Variants in APLF observed in about 807,000 individuals in gnomAD.
The protein encoded by APLF is aprataxin and PNKP like factor.
APLF carries 61 observed loss-of-function variants against 55.6 expected under a neutral mutation model. The observed-to-expected ratio is 1.10, with a 90% CI of 0.89 to 1.36. The LOEUF (loss-of-function observed/expected upper bound fraction) is 1.36, where lower values mean the gene tolerates loss of function less well. APLF is among the 40% of genes most tolerant of loss of function. APLF has a pLI of 0.00. For missense variants in APLF, 611 were observed against 602.5 expected (o/e 1.01, Z -0.15); for synonymous variants, 207 against 214.8 (o/e 0.96, Z 0.32).
At chr2:68,482,014 T>C (rs1376120584) in intron 1 of APLF, among the ~76,000 whole-genome samples, 1 of 152,052 alleles carries the variant, frequency 6.6e-6, no homozygotes, top group African/African-American at 2.4e-5. Flanking sequence ...TTTTGGTAAA[T>C]TGGGTTATCT....
rs554699045 is a variant in APLF at position 68,475,177 on chromosome 2, A to C, written c.96+7350A>C. On this transcript the variant is annotated intron_variant, in intron 1 of 9. Coordinates refer to ENST00000303795, the MANE Select transcript of APLF (RefSeq NM_173545.3). Reference sequence around the variant, plus strand: ...CTTTAAACCCACTTTTGTCTTCTTAAGCTTTCCTTATGTCTTTACTTACTA... The same window carrying C: ...CTTTAAACCCACTTTTGTCTTCTTACGCTTTCCTTATGTCTTTACTTACTA... Among the ~76,000 whole-genome samples the C allele has an allele frequency of 1.2e-4, 19 of 152,318 alleles. 1 individual carries two copies. The East Asian group carries it at 3.5e-3, about 28-fold the overall frequency.
At chr2:68,577,278 G>T (rs2104090133) in intron 9 of APLF, among the ~76,000 whole-genome samples, 1 of 152,268 alleles carries the variant, frequency 6.6e-6, no homozygotes, top group East Asian at 1.9e-4. Context: ...TATTGCAGCT[G>T]TGAATTGGCT....
chr2:68,517,443 GTTA>G (rs1389739602), intron 5 of APLF, among the ~76,000 whole-genome samples: 2 of 133,194 alleles, frequency 1.5e-5, no homozygotes, highest in Admixed American at 8.0e-5. Flanking sequence ...ATCTATATAT[GTTA>G]TTACTATATA....
chr2:68,495,212 A>G (rs1676503276), intron 2 of APLF, among the ~76,000 whole-genome samples: 1 of 152,206 alleles, frequency 6.6e-6, no homozygotes, highest in Non-Finnish European at 1.5e-5. Flanking sequence ...GTCTTAACTC[A>G]TTCCAGCATT....
chr2:68,527,477 C>A (rs1214137735), intron 6 of APLF, among the ~76,000 whole-genome samples: 1 of 147,490 alleles, frequency 6.8e-6, no homozygotes, highest in Non-Finnish European at 1.5e-5. Context: ...AGAGGCGGTG[C>A]TCCTCCTCAA....
rs771535956 is a variant in APLF at position 68,545,294 on chromosome 2, A to G, written c.1268A>G (p.Tyr423Cys). The G allele has an allele frequency of 1.8e-5, 29 of 1,613,518 alleles. No individual in the cohort carries two copies. Among genetic ancestry groups the G allele is most frequent in the African/African-American group, 6.7e-5 (5 of 74,888 alleles). ...DETDDRPECP[Y>C]GPSCYRKNPQ... ...ACTGATGACCGGCCTGAATGTCCCT[A>G]TGGACCATCCTGTTATAGGTATAGA... Residue 423 changes from tyrosine to cysteine, a missense_variant, in exon 8 of 10, where the codon TAT (tyrosine) becomes TGT (cysteine). Physicochemically the swap from Tyr to Cys is radical, Grantham distance 194 (BLOSUM62 -2). Coordinates refer to ENST00000303795, the MANE Select transcript of APLF (RefSeq NM_173545.3).
At chr2:68,511,187 A>G (rs1166876307) in intron 3 of APLF, among the ~76,000 whole-genome samples, 1 of 151,806 alleles carries the variant, frequency 6.6e-6, no homozygotes, top group Non-Finnish European at 1.5e-5. Context: ...TTATTTTTCA[A>G]TAAAGCAGTT....
chr2:68,482,406 T>C (rs1017398494), intron 1 of APLF, among the ~76,000 whole-genome samples: 1 of 152,038 alleles, frequency 6.6e-6, no homozygotes, highest in Non-Finnish European at 1.5e-5. Context: ...GCTGTGGAAG[T>C]GTGTGGTGGT....
intron 6 of APLF, among the ~76,000 whole-genome samples, chr2:68,536,176 A>C (rs1186173767): frequency 6.6e-6 from 1 of 152,164 alleles, no homozygotes; most frequent in Non-Finnish European, 1.5e-5. Context: ...GTACTTGTGC[A>C]GCGTGGGAGC....
intron 8 of APLF, among the ~76,000 whole-genome samples, chr2:68,558,273 T>C (rs529127997): frequency 2.4e-4 from 36 of 152,200 alleles, no homozygotes; most frequent in Non-Finnish European, 4.3e-4. Context: ...ATTACACATA[T>C]ATAAAAATTT....
At chr2:68,482,883 T>C (rs562684746) in intron 1 of APLF, among the ~76,000 whole-genome samples, 75 of 152,098 alleles carry the variant, frequency 4.9e-4, no homozygotes, top group Non-Finnish European at 9.7e-4. Context: ...CTTGGGGAAG[T>C]GCGTACCAGG....
chr2:68,545,001 TTA>T lies in APLF; in HGVS notation c.1161-184_1161-183del, dbSNP rs1324108356. ...TTACTGTGAGAGTCCTGTACTGAGTTTATGTCATCAACTTTATGTCATCAATT... is the reference window on the plus strand; with the variant it reads ...TTACTGTGAGAGTCCTGTACTGAGTTTGTCATCAACTTTATGTCATCAATT... On this transcript the variant is annotated intron_variant, in intron 7 of 9. Transcript: ENST00000303795. Among the ~76,000 whole-genome samples the T allele has an allele frequency of 3.3e-5, 5 of 152,280 alleles. No homozygotes were observed. In the East Asian group the frequency reaches 9.6e-4, roughly 29 times the overall value.
At chr2:68,476,262 G>T (rs920141051) in intron 1 of APLF, among the ~76,000 whole-genome samples, 2 of 152,054 alleles carry the variant, frequency 1.3e-5, no homozygotes, top group Admixed American at 1.3e-4. Flanking sequence ...GAGACGGGCA[G>T]ATCACCTGAG....
intron 7 of APLF, among the ~76,000 whole-genome samples, chr2:68,544,211 TC>T (rs1216435454): frequency 4.6e-5 from 7 of 152,104 alleles, no homozygotes; most frequent in African/African-American, 1.7e-4. Flanking sequence ...ACTCCTGACT[TC>T]AAGTGATCTG....
rs574162134 is a variant in APLF at position 68,571,137 on chromosome 2, G to A, written c.1333+3750G>A. 1.1e-4 allele frequency among the ~76,000 whole-genome samples: 17 copies of A among 152,044 alleles called. No individual in the cohort carries two copies. The Middle Eastern group carries it at 0.01, about 91-fold the overall frequency. On this transcript the variant is annotated intron_variant, in intron 9 of 9. Transcript: ENST00000303795. ...TCATATCCTTCACCCCCTTTTTGAT[G>A]GGGTTGTTTTTTTTTCTTGTAAATT...
In APLF at chr2:68,545,943, G is replaced by A. The variant is rs1315905685; in HGVS notation, c.1286+631G>A. On this transcript the variant is annotated intron_variant, in intron 8 of 9. Coordinates refer to ENST00000303795, the MANE Select transcript of APLF (RefSeq NM_173545.3). ...ACTTGAAATGAAACAAACTATCAAA[G>A]AAAAAAGTAGTGATTTCAGCTTTAC... is the stretch of plus-strand genomic sequence containing the variant. Among the ~76,000 whole-genome samples, 4 of 149,514 alleles carry A rather than the reference G, an allele frequency of 2.7e-5. No homozygotes were observed. In the East Asian group the frequency reaches 5.8e-4, roughly 22 times the overall value.
chr2:68,490,305 C>A, intron 2 of APLF, 44 bp downstream of exon 2: 1 of 1,530,144 alleles, frequency 6.5e-7, no homozygotes, highest in Non-Finnish European at 9.0e-7. Flanking sequence ...CATCTCTTAC[C>A]CTTTCAGTTC....
chr2:68,549,442 G>C (rs1670795110), intron 8 of APLF, among the ~76,000 whole-genome samples: 1 of 152,010 alleles, frequency 6.6e-6, no homozygotes, highest in Non-Finnish European at 1.5e-5. Context: ...ATAAATGTTT[G>C]AGAATTGCTC....
In APLF at chr2:68,513,576, A is replaced by G. The variant is rs74324033; in HGVS notation, c.518A>G (p.Asn173Ser). The G allele has an allele frequency of 1.3e-3, 2,032 of 1,611,476 alleles. 28 individuals are homozygous for G. In the African/African-American group the frequency reaches 0.024, roughly 19 times the overall value. The change falls in exon 5 of 10, where the codon AAT (asparagine) becomes AGT (serine). Residue 173 changes from asparagine (N) to serine (S), a missense_variant. By Grantham distance (46) the Asn-to-Ser change is conservative. Coordinates refer to ENST00000303795, the MANE Select transcript of APLF (RefSeq NM_173545.3). ...VSFLGENRDCNKQQPILAERK... is the reference protein window; with the variant it reads ...VSFLGENRDCSKQQPILAERK... ...TTCCTAGGTGAAAATAGAGACTGCA[A>G]TAAGCAGCAGCCAATCCTTGCCGAG...
Sources: allele counts gnomAD v4.1 joint callset (sites outside exome capture counted in the v4.1 genomes callset), GRCh38; gene constraint gnomAD v4.1.1; transcripts MANE v1.5; gene names NCBI Gene and HGNC (gene_info 2026-07-23, HGNC 2026-07-21).